Variants in MTFR1 observed in about 807,000 individuals in gnomAD.
The protein encoded by MTFR1 is mitochondrial fission regulator 1.
In MTFR1, 28 loss-of-function variants were observed where a neutral mutation model predicts 38.8. The ratio of observed to expected loss-of-function variants is 0.72; its 90% confidence interval spans 0.53 to 0.99. The LOEUF is 0.99. Ranked by LOEUF, MTFR1 falls within the 50% of genes least tolerant of loss-of-function variation. The probability of loss-of-function intolerance (pLI) is 0.00; values close to 1 mark genes in which losing one functional copy is unlikely to be tolerated. For missense variants in MTFR1, 358 were observed against 395.5 expected (o/e 0.91, Z 0.81); for synonymous variants, 145 against 137.0 (o/e 1.06, Z -0.41).
downstream of MTFR1, among the ~76,000 whole-genome samples, chr8:65,711,500 C>CAGATAGAT (rs147707139): frequency 6.6e-6 from 1 of 152,144 alleles, no homozygotes; most frequent in Non-Finnish European, 1.5e-5. Flanking sequence ...CTGGGATTGC[C>CAGATAGAT]AGATAGATAG....
intron 3 of MTFR1, among the ~76,000 whole-genome samples, chr8:65,738,162 C>T (rs536213573): frequency 2.2e-4 from 34 of 151,490 alleles, no homozygotes; most frequent in East Asian, 5.8e-4. Context: ...TAAAAAAAAA[C>T]GATGTATACA....
chr8:65,660,291 C>CA (rs1358969347), intron 1 of MTFR1, among the ~76,000 whole-genome samples: 3,101 of 67,120 alleles, frequency 0.046, 71 homozygotes, highest in East Asian at 0.093. Flanking sequence ...AACTCTGTCT[C>CA]AAAAAAAAAA....
chr8:65,648,987 G>T (rs1809043204), intron 1 of MTFR1, among the ~76,000 whole-genome samples: 1 of 151,924 alleles, frequency 6.6e-6, no homozygotes, highest in South Asian at 2.1e-4. Flanking sequence ...TGGATTCATA[G>T]GTTCTGTATC....
intron 2 of MTFR1, among the ~76,000 whole-genome samples, chr8:65,717,093 G>A (rs534661386): frequency 6.0e-5 from 9 of 150,458 alleles, no homozygotes; most frequent in South Asian, 2.1e-4. Flanking sequence ...TATTTTGGAC[G>A]TATTGGAATA....
intron 4 of MTFR1, among the ~76,000 whole-genome samples, chr8:65,700,456 CTG>C (rs1805584321): frequency 6.6e-6 from 1 of 151,156 alleles, no homozygotes; most frequent in South Asian, 2.1e-4. Flanking sequence ...CATGAGAAAA[CTG>C]TTAGTACAGT....
chr8:65,742,087 G>A (rs1407762312), intron 3 of MTFR1, among the ~76,000 whole-genome samples: 5 of 152,202 alleles, frequency 3.3e-5, no homozygotes, highest in African/African-American at 1.2e-4. Flanking sequence ...GAGATGCTCA[G>A]TTGTGTTAAA....
intron 3 of MTFR1, among the ~76,000 whole-genome samples, chr8:65,734,405 C>T (rs1052510427): frequency 1.8e-4 from 27 of 152,210 alleles, no homozygotes; most frequent in African/African-American, 6.0e-4. Flanking sequence ...GGTCTTGATA[C>T]GATTTATCTT....
intron 3 of MTFR1, among the ~76,000 whole-genome samples, chr8:65,760,199 T>C (rs4236944): frequency 0.18 from 27,649 of 152,138 alleles, 3,210 homozygotes; most frequent in East Asian, 0.52. Flanking sequence ...AAGATCGTGC[T>C]ACTGCACTCC....
chr8:65,657,121 C>A (rs973510585), intron 1 of MTFR1, among the ~76,000 whole-genome samples: 1 of 151,200 alleles, frequency 6.6e-6, no homozygotes, highest in South Asian at 2.1e-4. Flanking sequence ...TCAAGTGATT[C>A]TCCTGCCTCA....
intron 3 of MTFR1, chr8:65,719,849 T>G (rs1585818472): frequency 3.7e-6 from 1 of 269,480 alleles, no homozygotes; most frequent in Admixed American, 4.7e-5. Flanking sequence ...CGAGGCAGAG[T>G]TGCAGTGCAA....
chr8:65,776,580 A>G, the MTFR1 span, among the ~76,000 whole-genome samples: 2 of 152,134 alleles, frequency 1.3e-5, no homozygotes, highest in Non-Finnish European at 2.9e-5. Context: ...TAATTTTTCT[A>G]TGTAATCACT....
intron 2 of MTFR1, among the ~76,000 whole-genome samples, chr8:65,678,735 T>C (rs1804789326): frequency 6.6e-6 from 1 of 152,096 alleles, no homozygotes; most frequent in African/African-American, 2.4e-5. Flanking sequence ...ACCCCGTCTC[T>C]ACTAAAAATA....
At position 65,677,068 on chromosome 8, in the gene MTFR1, C is replaced by CTTT. The variant is rs1166560010; in HGVS notation, c.67-5264_67-5262dup. Reference sequence around the variant, plus strand: ...GGTTTTTCTGTTTAGCTATTTCTCTCTTTTTTTTTTTTTTTTTTTTTTTGA... The same window carrying CTTT: ...GGTTTTTCTGTTTAGCTATTTCTCTCTTTTTTTTTTTTTTTTTTTTTTTTTTGA... On this transcript the variant is annotated intron_variant, in intron 2 of 7. Transcript: ENST00000262146. Among the ~76,000 whole-genome samples the CTTT allele has an allele frequency of 9.8e-3, 982 of 100,110 alleles. 10 individuals are homozygous for CTTT. The highest frequency in any genetic ancestry group is 0.029 in the African/African-American group (644 of 21,990). The allele number at this position is 100,110 out of a possible 152,430, so 65.7% of individuals were successfully genotyped here.
At chr8:65,712,407 G>A (rs1805972920), downstream of MTFR1, among the ~76,000 whole-genome samples, 2 of 152,166 alleles carry the variant, frequency 1.3e-5, no homozygotes, top group Admixed American at 6.5e-5. Context: ...TTTCCAATCA[G>A]GTTCTCCCTC....
chr8:65,739,647 AATTAT>A (rs745771371), intron 3 of MTFR1: 3 of 1,399,078 alleles, frequency 2.1e-6, no homozygotes, highest in Non-Finnish European at 2.8e-6. Flanking sequence ...AAGTCAACAC[AATTAT>A]ATTATGCTTT....
intron 3 of MTFR1, among the ~76,000 whole-genome samples, chr8:65,738,806 C>A (rs1345034938): frequency 1.3e-5 from 2 of 152,222 alleles, no homozygotes; most frequent in East Asian, 1.9e-4. Flanking sequence ...CTGCAATATA[C>A]CTGCTCTTTT....
chr8:65,672,666 A>G (rs966501314), intron 2 of MTFR1, among the ~76,000 whole-genome samples: 7 of 152,178 alleles, frequency 4.6e-5, no homozygotes, highest in African/African-American at 1.7e-4. Flanking sequence ...GTGTGCCATC[A>G]CACCAGGCTA....
intron 3 of MTFR1, among the ~76,000 whole-genome samples, chr8:65,685,672 G>A (rs1335081260): frequency 6.6e-6 from 1 of 152,168 alleles, no homozygotes; most frequent in East Asian, 1.9e-4. Context: ...CTAGGTGTTG[G>A]TATTGAGTGG....
intron 1 of MTFR1, among the ~76,000 whole-genome samples, chr8:65,650,489 T>C (rs921826200): frequency 6.6e-6 from 1 of 152,146 alleles, no homozygotes; most frequent in African/African-American, 2.4e-5. Context: ...CTTATACTCT[T>C]ATCTGCATGA....
Sources: allele counts gnomAD v4.1 joint callset (sites outside exome capture counted in the v4.1 genomes callset), GRCh38; gene constraint gnomAD v4.1.1; transcripts MANE v1.5; gene names NCBI Gene and HGNC (gene_info 2026-07-23, HGNC 2026-07-21).